Variants in ARHGAP8 observed in about 807,000 individuals in gnomAD.
ARHGAP8 encodes the protein rho GTPase-activating protein 8.
ARHGAP8 carries 62 observed loss-of-function variants against 46.1 expected under a neutral mutation model. That is an observed-to-expected ratio of 1.34 (90% CI 1.10 to 1.66). ARHGAP8 has a LOEUF of 1.66. Ranked by LOEUF, ARHGAP8 falls within the 40% of genes most tolerant of loss-of-function variation. The pLI is 0.00. For synonymous variants in ARHGAP8, 375 were observed against 243.1 expected (o/e 1.54, Z -5.05); for missense variants, 923 against 568.4 (o/e 1.62, Z -6.34).
intron 1 of ARHGAP8, among the ~76,000 whole-genome samples, chr22:44,785,064 A>G (rs11090699): frequency 0.89 from 134,928 of 152,060 alleles, 60,124 homozygotes; most frequent in Non-Finnish European, 0.94. Flanking sequence ...AGGTGTGGGA[A>G]GCAGCTTCCA....
At chr22:44,852,940 C>G (rs6007326) in intron 10 of ARHGAP8, among the ~76,000 whole-genome samples, 30,018 of 151,898 alleles carry the variant, frequency 0.2, 3,237 homozygotes, top group African/African-American at 0.27. Flanking sequence ...GTAGCTGGGA[C>G]GACAGGCCCG....
Position 44,849,069 on chromosome 22 carries a change from C to G in ARHGAP8, c.877+9C>G, listed in dbSNP as rs1406569995. 2 of 1,613,698 alleles carry G rather than the reference C, an allele frequency of 1.2e-6. No homozygotes were observed. Among genetic ancestry groups the G allele is most frequent in the South Asian group, 1.1e-5 (1 of 91,076 alleles). On this transcript the variant is annotated intron_variant, in intron 10 of 11. Transcript: ENST00000356099. ...GATTCTCGGGATCACCTGTGCGTAG[C>G]TGCCCTGGCGCAGGGGTGGGGGGCT... is the stretch of plus-strand genomic sequence containing the variant.
intron 7 of ARHGAP8, among the ~76,000 whole-genome samples, chr22:44,827,114 A>G (rs1930575580): frequency 6.6e-6 from 1 of 152,082 alleles, no homozygotes; most frequent in Non-Finnish European, 1.5e-5. Context: ...CGTCTTTACA[A>G]GAGGGAGGTA....
chr22:44,826,673 C>A (rs749677825), intron 7 of ARHGAP8, among the ~76,000 whole-genome samples: 1 of 152,190 alleles, frequency 6.6e-6, no homozygotes, highest in African/African-American at 2.4e-5. Context: ...CGATCCACCC[C>A]TCTCAGCCTC....
chr22:44,791,436 G>T (rs566386936), intron 2 of ARHGAP8, among the ~76,000 whole-genome samples: 2 of 152,280 alleles, frequency 1.3e-5, no homozygotes, highest in South Asian at 4.1e-4. Context: ...GGGCGCAGTG[G>T]CTCGTGCCTG....
chr22:44,791,484 A>G (rs763828990), intron 2 of ARHGAP8, among the ~76,000 whole-genome samples: 19 of 152,094 alleles, frequency 1.2e-4, no homozygotes, highest in Non-Finnish European at 2.4e-4. Context: ...CAGGTGGATC[A>G]CCTGAGATCA....
chr22:44,846,795 A>G (rs2069967856), intron 8 of ARHGAP8, among the ~76,000 whole-genome samples: 1 of 151,938 alleles, frequency 6.6e-6, no homozygotes, highest in Non-Finnish European at 1.5e-5. Context: ...GGGATGGGGA[A>G]GCAGCAGCTA....
chr22:44,770,286 C>A (rs1006549143), intron 1 of ARHGAP8, among the ~76,000 whole-genome samples: 1 of 151,940 alleles, frequency 6.6e-6, no homozygotes, highest in African/African-American at 2.4e-5. Flanking sequence ...AAAGAAAATT[C>A]TCCTTGTCTG....
chr22:44,802,467 C>G (rs995444608), intron 3 of ARHGAP8, among the ~76,000 whole-genome samples: 1 of 152,194 alleles, frequency 6.6e-6, no homozygotes, highest in African/African-American at 2.4e-5. Flanking sequence ...TAGGTGTAGG[C>G]GAACCTTGCA....
intron 10 of ARHGAP8, 60 bp downstream of exon 10, chr22:44,849,120 T>C: frequency 6.2e-7 from 1 of 1,606,176 alleles, no homozygotes; most frequent in Non-Finnish European, 8.5e-7. Flanking sequence ...GTCCCCCAGC[T>C]ACTGGCCCAG....
At chr22:44,837,458 T>G (rs1262149006) in intron 7 of ARHGAP8, among the ~76,000 whole-genome samples, 2 of 152,140 alleles carry the variant, frequency 1.3e-5, no homozygotes, top group African/African-American at 4.8e-5. Flanking sequence ...TCTTGGAACT[T>G]TAGTTCATGG....
intron 6 of ARHGAP8, among the ~76,000 whole-genome samples, chr22:44,823,533 G>T (rs1048891979): frequency 5.9e-5 from 9 of 152,062 alleles, no homozygotes; most frequent in Admixed American, 6.5e-5. Context: ...GGAGTCCTTG[G>T]TGCCAAGCAG....
chr22:44,825,714 A>C, intron 7 of ARHGAP8, 121 bp downstream of exon 7: 1 of 1,217,854 alleles, frequency 8.2e-7, no homozygotes, highest in Non-Finnish European at 1.1e-6. Context: ...TGAACCCTGC[A>C]GGAAAGATAA....
At chr22:44,779,289 T>G (rs1016577596) in intron 1 of ARHGAP8, among the ~76,000 whole-genome samples, 2 of 151,796 alleles carry the variant, frequency 1.3e-5, no homozygotes, top group African/African-American at 4.8e-5. Context: ...TTAGTAGAGA[T>G]GGGGTTTCAC....
At chr22:44,849,100 C>T (rs776419973) in intron 10 of ARHGAP8, 40 bp downstream of exon 10, 1 of 1,610,598 alleles carries the variant, frequency 6.2e-7, no homozygotes, top group Non-Finnish European at 8.5e-7. Flanking sequence ...GGGCTTGGTC[C>T]TCAGATGCTG....
At position 44,808,371 on chromosome 22, in the gene ARHGAP8, G is replaced by A. The variant is rs538343031; in HGVS notation, c.232G>A (p.Gly78Arg). ...NDYTIVYFHY[G>R]LNSRNKPSLG... ...TTATACCATCGTCTATTTCCACTAC[G>A]GGCTGAACAGCCGGAACAAGCCTTC... The change falls in exon 4 of 12, where the codon GGG becomes AGG. Residue 78 changes from glycine to arginine, a missense_variant. Physicochemically the swap from Gly to Arg is moderately radical, Grantham distance 125. Transcript: ENST00000356099. The A allele has an allele frequency of 6.2e-6, 10 of 1,614,200 alleles. No homozygotes were observed. The highest frequency in any genetic ancestry group is 1.7e-5 in the Admixed American group (1 of 60,032).
At chr22:44,837,728 T>A (rs1931382943) in intron 7 of ARHGAP8, among the ~76,000 whole-genome samples, 1 of 151,890 alleles carries the variant, frequency 6.6e-6, no homozygotes, top group Admixed American at 6.6e-5. Flanking sequence ...GAAACCCAAA[T>A]TGTGGGTTTC....
Position 44,788,299 on chromosome 22 carries a change from A to G in ARHGAP8, c.79+1693A>G, listed in dbSNP as rs536158144. 2.2e-3 allele frequency among the ~76,000 whole-genome samples: 332 copies of G among 152,112 alleles called. 1 individual carries two copies. Among genetic ancestry groups the G allele is most frequent in the Middle Eastern group, 6.8e-3 (2 of 294 alleles). ...ACACCCAGCTAATTTTTGTGTTTTT[A>G]GTAGAGACAGGGTTTTGCCATGTTG... On this transcript the variant is annotated intron_variant, in intron 2 of 11. Transcript: ENST00000356099.
Position 44,804,241 on chromosome 22 carries a change from T to C in ARHGAP8, c.167+2077T>C, listed in dbSNP as rs146734398. ...TCATCTGTCCCTTGCTGCTGGTGTCTGCTGTGCTGGCCACACTGCTTTCAT... is the reference window on the plus strand; with the variant it reads ...TCATCTGTCCCTTGCTGCTGGTGTCCGCTGTGCTGGCCACACTGCTTTCAT... On this transcript the variant is annotated intron_variant, in intron 3 of 11. Transcript: ENST00000356099. Among the ~76,000 whole-genome samples the C allele has an allele frequency of 6.2e-3, 949 of 152,318 alleles. 9 individuals carry two copies. The highest frequency in any genetic ancestry group is 0.011 in the Non-Finnish European group (726 of 68,020).
Sources: allele counts gnomAD v4.1 joint callset (sites outside exome capture counted in the v4.1 genomes callset), GRCh38; gene constraint gnomAD v4.1.1; transcripts MANE v1.5; gene names NCBI Gene and HGNC (gene_info 2026-07-23, HGNC 2026-07-21).